The following SOBP variants were observed in gnomAD, a reference collection of about 807,000 sequenced individuals.
SOBP encodes the protein sine oculis binding protein homolog.
In SOBP, 4 loss-of-function variants were observed where a neutral mutation model predicts 53.6. That is an observed-to-expected ratio of 0.07 (90% CI 0.04 to 0.17). The LOEUF is 0.17. Among genes scored for constraint, SOBP ranks in the 10% least tolerant of loss-of-function variants. The probability of loss-of-function intolerance (pLI) is 1.00; values close to 1 mark genes in which losing one functional copy is unlikely to be tolerated. For missense variants in SOBP, 1,088 were observed against 1,204.7 expected, an observed-to-expected ratio of 0.90 and a Z score of 1.43; for synonymous variants, 584 against 522.6, an observed-to-expected ratio of 1.12 and a Z score of -1.60.
At chr6:107,575,499 G>A (rs1785198947) in intron 4 of SOBP, among the ~76,000 whole-genome samples, 1 of 152,098 alleles carries the variant, frequency 6.6e-6, no homozygotes, top group Non-Finnish European at 1.5e-5. Context: ...GAGAGACCAA[G>A]GTGCAGAGGA....
chr6:107,654,755 C>A (rs972678512), intron 6 of SOBP, among the ~76,000 whole-genome samples: 5 of 151,176 alleles, frequency 3.3e-5, no homozygotes, highest in Non-Finnish European at 5.9e-5. Flanking sequence ...GGCTGAGGAA[C>A]ATGGAGGAGG....
At chr6:107,608,651 C>T (rs926391191) in intron 5 of SOBP, among the ~76,000 whole-genome samples, 4 of 152,194 alleles carry the variant, frequency 2.6e-5, no homozygotes, top group African/African-American at 9.7e-5. Context: ...ATCGACATCT[C>T]TTTTAAAATG....
intron 4 of SOBP, among the ~76,000 whole-genome samples, chr6:107,533,824 G>C (rs571786947): frequency 6.6e-6 from 1 of 152,336 alleles, no homozygotes; most frequent in South Asian, 2.1e-4. Flanking sequence ...TTTGTGTTCT[G>C]AGAGGGTGAA....
chr6:107,650,647 T>C (rs747493089), intron 6 of SOBP, among the ~76,000 whole-genome samples: 18 of 152,124 alleles, frequency 1.2e-4, no homozygotes, highest in Non-Finnish European at 1.8e-4. Context: ...TCAATAAACG[T>C]TGGGTATGTT....
chr6:107,562,600 CA>C (rs1385899006), intron 4 of SOBP, among the ~76,000 whole-genome samples: 12 of 152,090 alleles, frequency 7.9e-5, no homozygotes, highest in African/African-American at 2.7e-4. Context: ...ATAATAAAAT[CA>C]GAAGTGTTTT....
chr6:107,562,590 A>G (rs961876197), intron 4 of SOBP, among the ~76,000 whole-genome samples: 1 of 152,236 alleles, frequency 6.6e-6, no homozygotes, highest in African/African-American at 2.4e-5. Context: ...TCCATGTTTC[A>G]TAATAAAATC....
chr6:107,513,372 T>C (rs1343010833), intron 3 of SOBP, among the ~76,000 whole-genome samples: 1 of 152,190 alleles, frequency 6.6e-6, no homozygotes, highest in Non-Finnish European at 1.5e-5. Flanking sequence ...ACGGAGAATA[T>C]GGAAACAGTC....
chr6:107,634,428 C>A lies in SOBP; in HGVS notation c.1584C>A (p.Pro528=), dbSNP rs376193904. 6.2e-7 allele frequency: 1 copy of A among 1,607,092 alleles called. No homozygotes were observed. Among genetic ancestry groups the A allele is most frequent in the South Asian group, 1.1e-5 (1 of 91,060 alleles). The part of the protein sequence containing the change: ...VPPPTLLVPY[P]VIVPLPVPIP... ...CCCCGACCCTGCTCGTGCCGTACCC[C>A]GTGATCGTGCCCCTACCGGTGCCCA... is the stretch of plus-strand genomic sequence containing the variant. The change falls in exon 6 of 7, where the codon CCC becomes CCA. Residue 528 remains proline (P), a synonymous_variant. Coordinates refer to ENST00000317357, the MANE Select transcript of SOBP (RefSeq NM_018013.4). The surrounding 1 kb of genome is among the most constrained non-coding windows in gnomAD (Gnocchi z 4.5).
intron 5 of SOBP, among the ~76,000 whole-genome samples, chr6:107,590,867 C>T (rs771981055): frequency 5.9e-5 from 9 of 152,096 alleles, no homozygotes; most frequent in Non-Finnish European, 8.8e-5. Context: ...AGAAATACCC[C>T]GTGCTAATCC....
intron 1 of SOBP, among the ~76,000 whole-genome samples, chr6:107,502,015 CTGAT>C (rs1214666151): frequency 1.3e-5 from 2 of 152,260 alleles, no homozygotes; most frequent in East Asian, 3.9e-4. Context: ...TGTACCATCA[CTGAT>C]TGACCCAGTT....
At chr6:107,604,833 C>T (rs766100433) in intron 5 of SOBP, among the ~76,000 whole-genome samples, 11 of 152,282 alleles carry the variant, frequency 7.2e-5, no homozygotes, top group Middle Eastern at 6.8e-3. Flanking sequence ...GGCATGTGTG[C>T]GTCTTCATGG....
chr6:107,631,627 C>G (rs1770718620), intron 5 of SOBP, among the ~76,000 whole-genome samples: 1 of 152,134 alleles, frequency 6.6e-6, no homozygotes, highest in African/African-American at 2.4e-5. Context: ...TCCCTTAATT[C>G]AGGAGGAACA....
intron 3 of SOBP, among the ~76,000 whole-genome samples, chr6:107,531,813 A>G (rs141296629): frequency 0.011 from 1,714 of 152,314 alleles, 100 homozygotes; most frequent in Admixed American, 0.095. Context: ...ATAGATCACA[A>G]TATGTAATTT....
intron 6 of SOBP, among the ~76,000 whole-genome samples, chr6:107,655,003 G>A (rs1278748698): frequency 6.6e-6 from 1 of 152,110 alleles, no homozygotes; most frequent in African/African-American, 2.4e-5. Flanking sequence ...GGGGAGGGTG[G>A]CTGAGAAACA....
chr6:107,518,608 A>T (rs1160369731), intron 3 of SOBP, among the ~76,000 whole-genome samples: 1 of 152,332 alleles, frequency 6.6e-6, no homozygotes, highest in East Asian at 1.9e-4. Flanking sequence ...AATAGCTAAA[A>T]ACTGGGAACA....
At chr6:107,617,782 C>T (rs1315757135) in intron 5 of SOBP, among the ~76,000 whole-genome samples, 1 of 149,768 alleles carries the variant, frequency 6.7e-6, no homozygotes, top group African/African-American at 2.5e-5. Context: ...AAGTGCCTGG[C>T]AACACAGATG....
At chr6:107,529,750 C>A in intron 3 of SOBP, 1 of 271,506 alleles carries the variant, frequency 3.7e-6, no homozygotes, top group Non-Finnish European at 5.6e-6. Flanking sequence ...AATGCTTGAT[C>A]TCATACTTCT....
intron 5 of SOBP, among the ~76,000 whole-genome samples, chr6:107,624,347 T>C (rs1240071631): frequency 1.3e-5 from 2 of 152,124 alleles, no homozygotes; most frequent in Admixed American, 6.5e-5. Context: ...CACTAGCATG[T>C]CCCTAGGAGG....
At chr6:107,583,072 A>G (rs1004774667) in intron 4 of SOBP, among the ~76,000 whole-genome samples, 1 of 152,262 alleles carries the variant, frequency 6.6e-6, no homozygotes, top group African/African-American at 2.4e-5. Flanking sequence ...GTGGGGGCAG[A>G]TGTAGAATAA....
Sources: gnomAD v4.1 joint callset for allele counts (sites outside exome capture counted in the v4.1 genomes callset) on GRCh38, gnomAD v4.1.1 for gene constraint, Gnocchi (gnomAD v3.1) non-coding constraint, MANE v1.5 for transcripts, NCBI Gene and HGNC (gene_info 2026-07-23, HGNC 2026-07-21) for gene names.